The following LRBA variants were observed in gnomAD, a reference collection of about 807,000 sequenced individuals.
LRBA encodes the protein LPS responsive beige-like anchor protein, also known as lipopolysaccharide-responsive and beige-like anchor protein.
Under a neutral mutation model 330.0 loss-of-function variants are expected in LRBA, and 176 were observed. That is an observed-to-expected ratio of 0.53 (90% CI 0.47 to 0.60). The LOEUF (loss-of-function observed/expected upper bound fraction) is 0.60, where lower values mean the gene tolerates loss of function less well. Among genes scored for constraint, LRBA ranks in the 20% least tolerant of loss-of-function variants. The pLI, the probability that LRBA is intolerant of heterozygous loss-of-function variation, is 0.00. For missense variants in LRBA, 3,259 were observed against 3,444.8 expected (o/e 0.95, Z 1.35); for synonymous variants, 1,230 against 1,193.0 (o/e 1.03, Z -0.64).
chr4:150,458,796 T>A (rs79320723), intron 44 of LRBA, among the ~76,000 whole-genome samples: 70 of 96,170 alleles, frequency 7.3e-4, no homozygotes, highest in Non-Finnish European at 1.4e-3. Context: ...TTTTTTTTTT[T>A]TAAAAAAACA....
chr4:150,973,821 T>G (rs1739853005), intron 2 of LRBA, among the ~76,000 whole-genome samples: 1 of 152,164 alleles, frequency 6.6e-6, no homozygotes, highest in African/African-American at 2.4e-5. Flanking sequence ...AGCGAGACCC[T>G]GTCTCCACAA....
intron 52 of LRBA, among the ~76,000 whole-genome samples, chr4:150,303,630 G>A (rs1360711690): frequency 6.6e-6 from 1 of 151,966 alleles, no homozygotes; most frequent in Non-Finnish European, 1.5e-5. Flanking sequence ...GGAGTGTAGT[G>A]GCGCGATCTT....
chr4:150,741,934 T>C (rs1468059557), intron 35 of LRBA, among the ~76,000 whole-genome samples: 3 of 152,022 alleles, frequency 2.0e-5, no homozygotes, highest in Non-Finnish European at 4.4e-5. Context: ...AATATTTTAA[T>C]AAAATGTCTT....
At chr4:150,793,232 G>A (rs1740250182) in intron 34 of LRBA, among the ~76,000 whole-genome samples, 2 of 152,118 alleles carry the variant, frequency 1.3e-5, no homozygotes, top group South Asian at 2.1e-4. Flanking sequence ...TTGAGCCTGG[G>A]AGGTCAAATG....
At chr4:150,722,651 T>C (rs1285930716) in intron 36 of LRBA, among the ~76,000 whole-genome samples, 1 of 152,048 alleles carries the variant, frequency 6.6e-6, no homozygotes, top group East Asian at 1.9e-4. Context: ...CAGAGCACGA[T>C]GGCAGAATAG....
chr4:150,528,379 T>C (rs1561307041), intron 40 of LRBA, among the ~76,000 whole-genome samples: 1 of 151,820 alleles, frequency 6.6e-6, no homozygotes, highest in Non-Finnish European at 1.5e-5. Flanking sequence ...TGGGCGCCTG[T>C]AGTCTTAGCT....
At chr4:151,015,631 T>C (rs569110885), upstream of LRBA, 792 of 152,348 alleles carry the variant, frequency 5.2e-3, 6 homozygotes, top group Admixed American at 8.8e-3. Context: ...CTGCGAGTGG[T>C]GAGGATGCTA....
intron 36 of LRBA, among the ~76,000 whole-genome samples, chr4:150,717,719 CTTTA>C (rs1019625677): frequency 4.5e-5 from 4 of 89,540 alleles, no homozygotes; most frequent in African/African-American, 1.4e-4. Context: ...CTTTCATGGT[CTTTA>C]TTTAATAAAA....
Position 150,583,128 on chromosome 4 carries a change from G to GGTCT in LRBA, c.6330+4916_6330+4919dup. On this transcript the variant is annotated intron_variant, in intron 40 of 56. Coordinates refer to ENST00000651943, the MANE Select transcript of LRBA (RefSeq NM_001364905.1). The surrounding 1 kb of genome is among the most constrained non-coding windows in gnomAD (Gnocchi z 9.8). The stretch of plus-strand genomic sequence containing the variant: ...CGGCCATCGCCAAAACCATCCGAGA[G>GGTCT]GTCTGTAAGGTGGTCTCGGACGTGC... The GGTCT allele has an allele frequency of 6.2e-7, 1 of 1,614,210 alleles. No individual in the cohort carries two copies. The highest frequency in any genetic ancestry group is 2.2e-5 in the East Asian group (1 of 44,866).
At chr4:151,004,976 G>A (rs1481788566) in intron 2 of LRBA, among the ~76,000 whole-genome samples, 1 of 152,126 alleles carries the variant, frequency 6.6e-6, no homozygotes, top group Admixed American at 6.6e-5. Flanking sequence ...GGGCGACAGA[G>A]CGAGACTTCG....
chr4:150,978,800 A>C (rs1423752413), intron 2 of LRBA, among the ~76,000 whole-genome samples: 1 of 152,226 alleles, frequency 6.6e-6, no homozygotes, highest in Non-Finnish European at 1.5e-5. Flanking sequence ...AGAATTAGTA[A>C]GCTTGAAGAC....
In LRBA at chr4:150,849,559, C is replaced by T. The variant is rs1026263351; in HGVS notation, c.4021G>A (p.Val1341Ile). ...TCACTGCTATTCACGAAGTCCATAA[C>T]TGTCTTTGTTGAATGGCTGTCCAAA... ...QMWRSHSTKT[V>I]MDFVNSSDNV... is the part of the protein sequence containing the mutation. The change falls in exon 25 of 57, where the codon GTT becomes ATT. Residue 1341 changes from valine to isoleucine, a missense_variant. Transcript: ENST00000651943. 2 of 1,612,572 alleles carry T rather than the reference C, an allele frequency of 1.2e-6. No homozygotes were observed. Among genetic ancestry groups the T allele is most frequent in the Non-Finnish European group, 1.7e-6 (2 of 1,178,988 alleles).
At chr4:150,680,911 A>G (rs1782997972) in intron 37 of LRBA, among the ~76,000 whole-genome samples, 1 of 152,226 alleles carries the variant, frequency 6.6e-6, no homozygotes, top group Admixed American at 6.5e-5. Context: ...AACAAAATAA[A>G]TGACATTAAT....
At chr4:150,929,661 T>C (rs1412689004) in intron 2 of LRBA, among the ~76,000 whole-genome samples, 3 of 152,214 alleles carry the variant, frequency 2.0e-5, no homozygotes, top group African/African-American at 7.2e-5. Flanking sequence ...ACGCTATAGC[T>C]ATACAGGCCT....
At chr4:150,952,246 T>G (rs556634705) in intron 2 of LRBA, among the ~76,000 whole-genome samples, 4 of 147,950 alleles carry the variant, frequency 2.7e-5, no homozygotes, top group Non-Finnish European at 5.9e-5. Flanking sequence ...CAAAATAACC[T>G]GTTGTATATG....
intron 2 of LRBA, among the ~76,000 whole-genome samples, chr4:150,943,919 G>A (rs1048158121): frequency 6.6e-6 from 1 of 152,076 alleles, no homozygotes; most frequent in African/African-American, 2.4e-5. Flanking sequence ...TCATTCTAAG[G>A]AAAATCAGTC....
rs1322260767 is a variant in LRBA at position 150,557,773 on chromosome 4, C to A, written c.6330+30275G>T. 2.4e-4 allele frequency among the ~76,000 whole-genome samples: 36 copies of A among 152,192 alleles called. 2 individuals carry two copies. Among genetic ancestry groups the A allele is most frequent in the Admixed American group, 2.4e-3 (36 of 15,274 alleles). On this transcript the variant is annotated intron_variant, in intron 40 of 56. Transcript: ENST00000651943. ...ATCACATCATATCATATCATAGCTA[C>A]ATGCTATCAACGTGTTTTGTCACTG...
At chr4:150,610,782 T>C (rs184038508) in intron 37 of LRBA, among the ~76,000 whole-genome samples, 42 of 152,160 alleles carry the variant, frequency 2.8e-4, no homozygotes, top group Admixed American at 2.6e-3. Context: ...ATAAATAACA[T>C]AGGCTTTATA....
chr4:150,341,968 G>C (rs1008167433), intron 48 of LRBA, among the ~76,000 whole-genome samples: 3 of 151,210 alleles, frequency 2.0e-5, no homozygotes, highest in African/African-American at 7.3e-5. Context: ...ATTAATTTAA[G>C]GAAAATACTT....
Sources: allele counts gnomAD v4.1 joint callset (sites outside exome capture counted in the v4.1 genomes callset), GRCh38; gene constraint gnomAD v4.1.1; non-coding constraint Gnocchi (gnomAD v3.1); transcripts MANE v1.5; gene names NCBI Gene and HGNC (gene_info 2026-07-23, HGNC 2026-07-21).